INPP4B: variants seen among roughly 807,000 people sequenced by gnomAD.
INPP4B encodes inositol polyphosphate 4-phosphatase type II.
Under a neutral mutation model 122.5 loss-of-function variants are expected in INPP4B, and 55 were observed. That is an observed-to-expected ratio of 0.45 (90% CI 0.36 to 0.56). The LOEUF (loss-of-function observed/expected upper bound fraction) is 0.56. INPP4B is among the 20% of genes least tolerant of loss of function. The pLI is 0.00. For missense variants in INPP4B, 1,000 were observed against 1,097.7 expected (o/e 0.91, Z 1.26); for synonymous variants, 403 against 388.7 (o/e 1.04, Z -0.43).
intron 2 of INPP4B, among the ~76,000 whole-genome samples, chr4:142,657,503 T>C (rs1754377332): frequency 6.6e-6 from 1 of 152,132 alleles, no homozygotes; most frequent in Non-Finnish European, 1.5e-5. Context: ...TTGCTAGGAG[T>C]TAATTGAAAC....
intron 2 of INPP4B, among the ~76,000 whole-genome samples, chr4:142,562,780 G>A (rs1408953016): frequency 3.9e-5 from 6 of 152,038 alleles, no homozygotes; most frequent in African/African-American, 1.4e-4. Context: ...AAAACCAAAA[G>A]GTCTTCTTAA....
intron 2 of INPP4B, among the ~76,000 whole-genome samples, chr4:142,512,746 G>T (rs1824904098): frequency 6.6e-6 from 1 of 152,092 alleles, no homozygotes; most frequent in Admixed American, 6.5e-5. Flanking sequence ...ACTCAAAAAG[G>T]TATCTGAAAG....
At chr4:142,133,123 TC>T (rs1802154182) in intron 18 of INPP4B, among the ~76,000 whole-genome samples, 1 of 152,220 alleles carries the variant, frequency 6.6e-6, no homozygotes, top group Non-Finnish European at 1.5e-5. Flanking sequence ...TGTTGCTGGT[TC>T]CTTCACTTAT....
At chr4:142,056,411 T>A (rs952165023) in intron 25 of INPP4B, among the ~76,000 whole-genome samples, 5 of 152,174 alleles carry the variant, frequency 3.3e-5, no homozygotes, top group Non-Finnish European at 5.9e-5. Flanking sequence ...GATATTCAGT[T>A]GTCTCCCTTT....
intron 21 of INPP4B, among the ~76,000 whole-genome samples, chr4:142,117,718 C>CA (rs1794385411): frequency 1.3e-5 from 2 of 149,798 alleles, no homozygotes; most frequent in South Asian, 4.2e-4. Flanking sequence ...ACTGAATAGG[C>CA]AAAAACTGGC....
chr4:142,031,607 A>G (rs1026960640), intron 25 of INPP4B, among the ~76,000 whole-genome samples: 2 of 152,130 alleles, frequency 1.3e-5, no homozygotes, highest in African/African-American at 2.4e-5. Context: ...AAGGGGGTTT[A>G]TTTTTGATTT....
chr4:142,042,453 CTT>C (rs1189871443), intron 25 of INPP4B, among the ~76,000 whole-genome samples: 1 of 151,964 alleles, frequency 6.6e-6, no homozygotes, highest in African/African-American at 2.4e-5. Flanking sequence ...TGTACAATCT[CTT>C]GTTTTTAAAC....
intron 24 of INPP4B, 24 bp from the exon 25 acceptor site, chr4:142,082,209 G>A (rs745549940): frequency 1.8e-5 from 26 of 1,484,070 alleles, no homozygotes; most frequent in East Asian, 4.6e-5. Flanking sequence ...AAGAACGAAC[G>A]TTTCTTGTTC....
At chr4:142,708,435 AGG>A (rs1347177271) in intron 2 of INPP4B, among the ~76,000 whole-genome samples, 1 of 152,138 alleles carries the variant, frequency 6.6e-6, no homozygotes, top group East Asian at 1.9e-4. Context: ...CTCCCATCAC[AGG>A]CCCATAGGGA....
At chr4:142,265,683 A>C (rs1418231611) in intron 10 of INPP4B, among the ~76,000 whole-genome samples, 13 of 152,242 alleles carry the variant, frequency 8.5e-5, no homozygotes, top group Admixed American at 6.5e-4. Context: ...AAGGTTTACA[A>C]ATAATCCAGA....
rs148124139 is a variant in INPP4B, at chr4:142,351,584, C to G, written c.373-36822G>C. On this transcript the variant is annotated intron_variant, in intron 7 of 25. Coordinates refer to ENST00000262992, the MANE Select transcript of INPP4B (RefSeq NM_001101669.3). ...AAACCTGGGACTTGGACTCAGTTAT[C>G]AAATCCATTTATAGCACCTTTTCCA... 2.6e-3 allele frequency among the ~76,000 whole-genome samples: 388 copies of G among 152,052 alleles called. 1 individual carries two copies. Among genetic ancestry groups the G allele is most frequent in the Non-Finnish European group, 4.5e-3 (306 of 67,926 alleles).
intron 23 of INPP4B, among the ~76,000 whole-genome samples, chr4:142,103,230 T>C (rs1019894442): frequency 6.6e-6 from 1 of 152,110 alleles, no homozygotes; most frequent in African/African-American, 2.4e-5. Flanking sequence ...TCTTCTCATT[T>C]AGCTTATTTG....
chr4:142,415,458 A>G (rs1394098008), intron 5 of INPP4B, among the ~76,000 whole-genome samples: 8 of 151,836 alleles, frequency 5.3e-5, no homozygotes, highest in Non-Finnish European at 1.2e-4. Context: ...CAATGATACC[A>G]TCTCACACCA....
At chr4:142,239,879 C>CT (rs897009144) in intron 11 of INPP4B, among the ~76,000 whole-genome samples, 2 of 150,618 alleles carry the variant, frequency 1.3e-5, no homozygotes, top group African/African-American at 2.4e-5. Context: ...TTTTCAACCT[C>CT]TTTTTTTTTC....
At chr4:142,366,945 C>T (rs1258758230) in intron 7 of INPP4B, among the ~76,000 whole-genome samples, 1 of 152,052 alleles carries the variant, frequency 6.6e-6, no homozygotes, top group Non-Finnish European at 1.5e-5. Flanking sequence ...ATAGGAAGGT[C>T]AAAGGATGCA....
intron 9 of INPP4B, among the ~76,000 whole-genome samples, chr4:142,271,440 A>G (rs1447373502): frequency 6.6e-6 from 1 of 152,234 alleles, no homozygotes; most frequent in African/African-American, 2.4e-5. Flanking sequence ...TACTAACTGC[A>G]TGAGATACCT....
At chr4:142,030,399 T>G in intron 25 of INPP4B, 22 of 947,734 alleles carry the variant, frequency 2.3e-5, no homozygotes, top group African/African-American at 3.3e-5. Flanking sequence ...TACAATGCAT[T>G]ATCTTACATA....
At chr4:142,049,294 G>A (rs1336826490) in intron 25 of INPP4B, among the ~76,000 whole-genome samples, 2 of 152,134 alleles carry the variant, frequency 1.3e-5, no homozygotes, top group Non-Finnish European at 1.5e-5. Context: ...CTAGTTCAAA[G>A]TTTGTTGGTT....
intron 9 of INPP4B, among the ~76,000 whole-genome samples, chr4:142,296,133 T>C (rs571058132): frequency 3.3e-5 from 5 of 152,314 alleles, no homozygotes; most frequent in Admixed American, 2.6e-4. Flanking sequence ...ACTATTGAAG[T>C]GTACTCTGGT....
Sources: allele counts gnomAD v4.1 joint callset (sites outside exome capture counted in the v4.1 genomes callset), GRCh38; gene constraint gnomAD v4.1.1; transcripts MANE v1.5; gene names NCBI Gene and HGNC (gene_info 2026-07-23, HGNC 2026-07-21).